Variants in C1orf21 observed in about 807,000 individuals in gnomAD.
The protein encoded by C1orf21 is uncharacterized protein C1orf21.
In C1orf21, 3 loss-of-function variants were observed where a neutral mutation model predicts 18.7. The ratio of observed to expected loss-of-function variants is 0.16; its 90% confidence interval spans 0.07 to 0.42. C1orf21 has a LOEUF of 0.42. C1orf21 is among the 10% of genes least tolerant of loss of function. The pLI, the probability that C1orf21 is intolerant of heterozygous loss-of-function variation, is 0.99. For synonymous variants in C1orf21, 41 were observed against 46.4 expected (o/e 0.88, Z 0.47); for missense variants, 104 against 143.6 (o/e 0.72, Z 1.41).
intron 3 of C1orf21, among the ~76,000 whole-genome samples, chr1:184,522,980 G>C (rs1056531220): frequency 6.6e-6 from 1 of 152,114 alleles, no homozygotes; most frequent in East Asian, 1.9e-4. Flanking sequence ...GAGCCAGTAC[G>C]CCCAGACTTA....
chr1:184,506,830 T>C (rs1163870162), intron 2 of C1orf21, among the ~76,000 whole-genome samples: 2 of 152,182 alleles, frequency 1.3e-5, no homozygotes, highest in South Asian at 2.1e-4. Context: ...CTGTGTTCTC[T>C]GTCTGGCTGT....
intron 1 of C1orf21, among the ~76,000 whole-genome samples, chr1:184,448,454 C>T (rs543388094): frequency 1.2e-4 from 19 of 152,332 alleles, no homozygotes; most frequent in African/African-American, 4.6e-4. Context: ...TCCTTGGGTG[C>T]TACATATGTA....
At chr1:184,473,084 G>A (rs1363742271) in intron 1 of C1orf21, among the ~76,000 whole-genome samples, 2 of 152,280 alleles carry the variant, frequency 1.3e-5, no homozygotes, top group East Asian at 3.9e-4. Flanking sequence ...ACAACCATTT[G>A]GGGAGGGGTT....
intron 3 of C1orf21, among the ~76,000 whole-genome samples, chr1:184,568,935 G>C (rs1659071183): frequency 6.6e-6 from 1 of 152,200 alleles, no homozygotes; most frequent in African/African-American, 2.4e-5. Context: ...CCTTTATTGA[G>C]TACCTACCAC....
chr1:184,564,090 C>T (rs549390660), intron 3 of C1orf21, among the ~76,000 whole-genome samples: 9 of 152,274 alleles, frequency 5.9e-5, no homozygotes, highest in African/African-American at 1.9e-4. Flanking sequence ...CTACAGCCTG[C>T]GCTCTGACAT....
intron 2 of C1orf21, among the ~76,000 whole-genome samples, chr1:184,486,594 G>T (rs564917332): frequency 1.3e-5 from 2 of 152,060 alleles, no homozygotes; most frequent in African/African-American, 4.8e-5. Flanking sequence ...GCTAGATGCC[G>T]CCTTGATGCC....
rs1264411956 is a variant in C1orf21 at position 184,410,626 on chromosome 1, T to A, written c.-125+23258T>A. 2.1e-3 allele frequency among the ~76,000 whole-genome samples: 5 copies of A among 2,404 alleles called. No homozygotes were observed. In the East Asian group the frequency reaches 0.056, roughly 27 times the overall value. The allele number at this position is 2,404 out of a possible 152,430, so 1.6% of individuals were successfully genotyped here. ...TAATTTGCCATATATATTATATATA[T>A]ATATATATATATATATATATATATA... On this transcript the variant is annotated intron_variant, in intron 1 of 5. Coordinates refer to ENST00000235307, the MANE Select transcript of C1orf21 (RefSeq NM_030806.4).
At chr1:184,593,560 A>G (rs1322329832) in intron 4 of C1orf21, among the ~76,000 whole-genome samples, 2 of 152,190 alleles carry the variant, frequency 1.3e-5, no homozygotes, top group East Asian at 3.8e-4. Flanking sequence ...TTAATGCTTT[A>G]GTTTGATATC....
At chr1:184,418,449 A>T (rs777078312) in intron 1 of C1orf21, among the ~76,000 whole-genome samples, 6 of 152,128 alleles carry the variant, frequency 3.9e-5, no homozygotes, top group Non-Finnish European at 7.3e-5. Context: ...CCTGGGCTGA[A>T]GCAATCTACC....
At chr1:184,491,682 T>C (rs888804231) in intron 2 of C1orf21, among the ~76,000 whole-genome samples, 3 of 152,176 alleles carry the variant, frequency 2.0e-5, no homozygotes, top group Non-Finnish European at 4.4e-5. Flanking sequence ...GTAACCGTTA[T>C]GGTTACTTAT....
intron 2 of C1orf21, among the ~76,000 whole-genome samples, chr1:184,486,681 G>C (rs1397444157): frequency 6.6e-6 from 1 of 152,078 alleles, no homozygotes; most frequent in Non-Finnish European, 1.5e-5. Context: ...GTTAAGAAAT[G>C]CTCTATACTT....
chr1:184,410,374 G>A (rs996556178), intron 1 of C1orf21, among the ~76,000 whole-genome samples: 10 of 151,240 alleles, frequency 6.6e-5, no homozygotes, highest in African/African-American at 2.2e-4. Flanking sequence ...TCACAATAGC[G>A]CAATGAACAT....
At chr1:184,433,238 G>GA (rs1234079782) in intron 1 of C1orf21, among the ~76,000 whole-genome samples, 1 of 151,780 alleles carries the variant, frequency 6.6e-6, no homozygotes, top group Non-Finnish European at 1.5e-5. Context: ...CCTAGCCATG[G>GA]AAAATCCTTT....
At chr1:184,407,819 A>G (rs1018272788) in intron 1 of C1orf21, among the ~76,000 whole-genome samples, 3 of 152,214 alleles carry the variant, frequency 2.0e-5, no homozygotes, top group Non-Finnish European at 2.9e-5. Flanking sequence ...TTATCCTTTT[A>G]CAAAATGAAG....
chr1:184,624,365 C>T lies in C1orf21; in HGVS notation c.*4809C>T, dbSNP rs143043543. 2 of 152,642 alleles carry T rather than the reference C, an allele frequency of 1.3e-5. No homozygotes were observed. Among genetic ancestry groups the T allele is most frequent in the East Asian group, 1.9e-4 (1 of 5,168 alleles). The allele number at this position is 152,642 out of a possible 1,614,324, so 9.5% of individuals were successfully genotyped here. A position where few individuals can be genotyped will look rare whatever the true frequency, so the allele number is the denominator to read the frequency against. Reference sequence around the variant, plus strand: ...AAAAGGCTTTGGGAATTTAGGCACACGTTTCTCTCCTTGGAATCCTTCTAG... The same window carrying T: ...AAAAGGCTTTGGGAATTTAGGCACATGTTTCTCTCCTTGGAATCCTTCTAG... On this transcript the variant is annotated 3_prime_UTR_variant, in exon 6 of 6. Coordinates refer to ENST00000235307, the MANE Select transcript of C1orf21 (RefSeq NM_030806.4).
intron 5 of C1orf21, among the ~76,000 whole-genome samples, chr1:184,611,583 C>A (rs1659737028): frequency 1.3e-5 from 2 of 152,182 alleles, no homozygotes; most frequent in African/African-American, 4.8e-5. Flanking sequence ...CATACAGATT[C>A]TTATGGAAAC....
At chr1:184,410,933 TG>T (rs1219023164) in intron 1 of C1orf21, among the ~76,000 whole-genome samples, 1 of 151,174 alleles carries the variant, frequency 6.6e-6, no homozygotes, top group African/African-American at 2.4e-5. Context: ...GTTACAGGGG[TG>T]AGCCACCGCG....
intron 2 of C1orf21, among the ~76,000 whole-genome samples, chr1:184,490,775 T>A (rs1657805428): frequency 1.3e-5 from 2 of 152,150 alleles, no homozygotes; most frequent in African/African-American, 4.8e-5. Context: ...GAACCCTGAG[T>A]AATAATGCCA....
At chr1:184,403,548 A>T (rs191772757) in intron 1 of C1orf21, among the ~76,000 whole-genome samples, 3 of 152,340 alleles carry the variant, frequency 2.0e-5, no homozygotes, top group Admixed American at 2.0e-4. Flanking sequence ...GATGTTCTGT[A>T]GGTATGTACA....
Sources: allele counts gnomAD v4.1 joint callset (sites outside exome capture counted in the v4.1 genomes callset), GRCh38; gene constraint gnomAD v4.1.1; transcripts MANE v1.5; gene names NCBI Gene and HGNC (gene_info 2026-07-23, HGNC 2026-07-21).